The following KDM4C variants were observed in gnomAD, a reference collection of about 807,000 sequenced individuals.
KDM4C encodes lysine-specific demethylase 4C.
KDM4C carries 81 observed loss-of-function variants against 129.3 expected under a neutral mutation model. The ratio of observed to expected loss-of-function variants is 0.63; its 90% confidence interval spans 0.52 to 0.75. The LOEUF (loss-of-function observed/expected upper bound fraction) is 0.75. Among genes scored for constraint, KDM4C ranks in the 30% least tolerant of loss-of-function variants. KDM4C has a pLI of 0.00. For synonymous variants in KDM4C, 573 were observed against 456.1 expected (o/e 1.26, Z -3.26); for missense variants, 1,457 against 1,304.0 (o/e 1.12, Z -1.81).
At chr9:6,927,807 T>A (rs1329885474) in intron 8 of KDM4C, among the ~76,000 whole-genome samples, 1 of 152,236 alleles carries the variant, frequency 6.6e-6, no homozygotes, top group Non-Finnish European at 1.5e-5. Context: ...ACCAATTTCC[T>A]TGCCCCTTCC....
chr9:6,939,987 T>TTCCTTCCC lies in KDM4C; in HGVS notation c.922-40931_922-40930insCTCCTTCC, dbSNP rs1162258111. On this transcript the variant is annotated intron_variant, in intron 8 of 21. Transcript: ENST00000381309. ...CTACCTACCTACCTACCTTCCTTCCTTCCTTCCTTCCTTCCTTCCTTCCTT... is the reference window on the plus strand; with the variant it reads ...CTACCTACCTACCTACCTTCCTTCCTTCCTTCCCTCCTTCCTTCCTTCCTTCCTTCCTT... Among the ~76,000 whole-genome samples the TTCCTTCCC allele has an allele frequency of 3.0e-3, 325 of 107,444 alleles. 13 individuals are homozygous for TTCCTTCCC. In the East Asian group the frequency reaches 0.066, roughly 22 times the overall value. 70.5% of individuals were successfully genotyped at this position (107,444 alleles called of 152,430 possible). A position where few individuals can be genotyped will look rare whatever the true frequency, so the allele number is the denominator to read the frequency against.
intron 20 of KDM4C, among the ~76,000 whole-genome samples, chr9:7,169,292 A>C (rs1844717894): frequency 6.6e-6 from 1 of 152,120 alleles, no homozygotes; most frequent in Non-Finnish European, 1.5e-5. Flanking sequence ...ACTCATTTCC[A>C]AGAATTTTGG....
At chr9:6,956,522 G>T (rs906516144) in intron 8 of KDM4C, among the ~76,000 whole-genome samples, 2 of 152,118 alleles carry the variant, frequency 1.3e-5, no homozygotes, top group African/African-American at 4.8e-5. Context: ...TTTCTAAGTT[G>T]GGTTGGCACA....
Position 6,843,335 on chromosome 9 carries a change from C to G in KDM4C, c.436-6172C>G, listed in dbSNP as rs553904793. Among the ~76,000 whole-genome samples, 3 of 152,334 alleles carry G rather than the reference C, an allele frequency of 2.0e-5. No homozygotes were observed. The East Asian group carries it at 5.8e-4, about 29-fold the overall frequency. On this transcript the variant is annotated intron_variant, in intron 4 of 21. Transcript: ENST00000381309. The stretch of plus-strand genomic sequence containing the variant: ...AAAAAGCTGTGGTCTGAACCCTCTC[C>G]CCATCTTTGAAAATGAAAAATTTAA...
intron 5 of KDM4C, among the ~76,000 whole-genome samples, chr9:6,850,726 C>A (rs896557267): frequency 6.6e-6 from 1 of 151,664 alleles, no homozygotes; most frequent in Non-Finnish European, 1.5e-5. Flanking sequence ...GCCACCACAC[C>A]CAGCCAATGT....
At chr9:7,004,960 A>G (rs919010139) in intron 12 of KDM4C, among the ~76,000 whole-genome samples, 1 of 152,188 alleles carries the variant, frequency 6.6e-6, no homozygotes, top group Non-Finnish European at 1.5e-5. Flanking sequence ...TGCCAGTTCT[A>G]CTGAGTGTCC....
intron 8 of KDM4C, chr9:6,924,860 A>G (rs1822190203): frequency 1.0e-6 from 1 of 983,588 alleles, no homozygotes; most frequent in Non-Finnish European, 1.2e-6. Context: ...TCCACTATAT[A>G]TTTTTTTCAA....
intron 8 of KDM4C, among the ~76,000 whole-genome samples, chr9:6,904,451 A>G (rs1047243553): frequency 6.6e-6 from 1 of 150,796 alleles, no homozygotes; most frequent in Non-Finnish European, 1.5e-5. Context: ...ACAGTAGTAC[A>G]TAAGAGTTCA....
chr9:7,123,240 G>A (rs1839689682), intron 18 of KDM4C, among the ~76,000 whole-genome samples: 1 of 152,148 alleles, frequency 6.6e-6, no homozygotes, highest in African/African-American at 2.4e-5. Flanking sequence ...GTGATCTGGA[G>A]CCAGCCTCTT....
At chr9:6,783,706 C>T (rs1824858816) in intron 1 of KDM4C, among the ~76,000 whole-genome samples, 1 of 152,146 alleles carries the variant, frequency 6.6e-6, no homozygotes, top group African/African-American at 2.4e-5. Context: ...AAAGCTGTGC[C>T]TGGAGAGGCT....
At chr9:7,038,661 A>G (rs1828053442) in intron 15 of KDM4C, among the ~76,000 whole-genome samples, 1 of 152,044 alleles carries the variant, frequency 6.6e-6, no homozygotes. Flanking sequence ...TTCTCCATAG[A>G]TTCAAATATT....
intron 19 of KDM4C, among the ~76,000 whole-genome samples, chr9:7,156,588 A>G (rs1397892777): frequency 6.6e-6 from 1 of 152,222 alleles, no homozygotes; most frequent in South Asian, 2.1e-4. Flanking sequence ...CAGTTTTCCC[A>G]GCACCATTTA....
intron 4 of KDM4C, among the ~76,000 whole-genome samples, chr9:6,841,336 C>T (rs987425152): frequency 1.3e-5 from 2 of 152,030 alleles, no homozygotes; most frequent in Non-Finnish European, 2.9e-5. Flanking sequence ...CTGAGGGTGA[C>T]AGCAGGAAAT....
intron 8 of KDM4C, among the ~76,000 whole-genome samples, chr9:6,976,338 CTGTT>C (rs1481767537): frequency 6.6e-6 from 1 of 152,108 alleles, no homozygotes; most frequent in East Asian, 1.9e-4. Context: ...TTAGAAATAA[CTGTT>C]AATAATAGAT....
chr9:6,870,822 CTTAG>C (rs201996115), intron 5 of KDM4C, among the ~76,000 whole-genome samples: 29,399 of 151,758 alleles, frequency 0.19, 3,479 homozygotes, highest in Middle Eastern at 0.36. Flanking sequence ...TTCACACGGC[CTTAG>C]TTAGGCGCAG....
intron 4 of KDM4C, among the ~76,000 whole-genome samples, chr9:6,820,245 C>A (rs991195610): frequency 6.6e-6 from 1 of 152,132 alleles, no homozygotes. Context: ...GACATCTGAA[C>A]TTGGCTTTGA....
intron 18 of KDM4C, among the ~76,000 whole-genome samples, chr9:7,122,265 A>ACACACACTCTCTCTCTCTCT (rs375655422): frequency 2.0e-4 from 29 of 144,710 alleles, no homozygotes; most frequent in African/African-American, 7.3e-4. Context: ...ACACACACAC[A>ACACACACTCTCTCTCTCTCT]CTCTCTCTCT....
chr9:7,078,049 G>A (rs535382744), intron 17 of KDM4C, among the ~76,000 whole-genome samples: 4 of 152,198 alleles, frequency 2.6e-5, no homozygotes, highest in African/African-American at 9.6e-5. Context: ...AAGTTTTGAT[G>A]AGAAAAAAAT....
At chr9:6,964,138 G>T (rs1037119201) in intron 8 of KDM4C, among the ~76,000 whole-genome samples, 1 of 151,872 alleles carries the variant, frequency 6.6e-6, no homozygotes, top group South Asian at 2.1e-4. Flanking sequence ...TGTGCACAAC[G>T]TGCAGGTTTG....
Sources: allele counts gnomAD v4.1 joint callset (sites outside exome capture counted in the v4.1 genomes callset), GRCh38; gene constraint gnomAD v4.1.1; transcripts MANE v1.5; gene names NCBI Gene and HGNC (gene_info 2026-07-23, HGNC 2026-07-21).